The following GADL1 variants were observed in gnomAD, a reference collection of about 807,000 sequenced individuals.
The protein encoded by GADL1 is acidic amino acid decarboxylase GADL1.
A neutral mutation model predicts 69.5 loss-of-function variants in GADL1; 71 were observed. The observed-to-expected ratio is 1.02, with a 90% CI of 0.84 to 1.25. GADL1 has a LOEUF of 1.25. Ranked by LOEUF, GADL1 falls within the 50% of genes most tolerant of loss-of-function variation. The pLI, the probability that GADL1 is intolerant of heterozygous loss-of-function variation, is 0.00. For synonymous variants in GADL1, 254 were observed against 214.4 expected (o/e 1.18, Z -1.62); for missense variants, 737 against 631.8 (o/e 1.17, Z -1.79).
At chr3:30,773,900 C>G (rs149231324) in intron 14 of GADL1, among the ~76,000 whole-genome samples, 2 of 152,116 alleles carry the variant, frequency 1.3e-5, no homozygotes, top group Non-Finnish European at 2.9e-5. Flanking sequence ...AATCTCCTGA[C>G]GCTCACCAAC....
chr3:30,844,140 C>A (rs1374687928), intron 8 of GADL1, 70 bp downstream of exon 8: 5 of 1,209,838 alleles, frequency 4.1e-6, no homozygotes, highest in Non-Finnish European at 5.9e-6. Flanking sequence ...TATTCCCTCT[C>A]TTTCATAAGC....
At chr3:30,801,168 AAT>A (rs1255850890) in intron 11 of GADL1, 80 bp from the exon 12 acceptor site, 4 of 995,194 alleles carry the variant, frequency 4.0e-6, no homozygotes, top group African/African-American at 3.2e-5. Context: ...GTACACACAC[AAT>A]GTGTATATTC....
intron 11 of GADL1, among the ~76,000 whole-genome samples, chr3:30,824,729 CTAAAG>C (rs1697653735): frequency 1.3e-5 from 2 of 150,444 alleles, no homozygotes; most frequent in South Asian, 2.1e-4. Flanking sequence ...AATTCAAAAA[CTAAAG>C]TAAATTATAT....
At position 30,841,408 on chromosome 3, in the gene GADL1, G is replaced by A. The variant is rs750237321; in HGVS notation, c.787-2295C>T. Among the ~76,000 whole-genome samples, 13 of 152,078 alleles carry A rather than the reference G, an allele frequency of 8.5e-5. No individual in the cohort carries two copies. In the East Asian group the frequency reaches 1.4e-3, roughly 16 times the overall value. On this transcript the variant is annotated intron_variant, in intron 8 of 14. Transcript: ENST00000282538. Reference sequence around the variant, plus strand: ...TCACTGTCAAAACAAAAATTTGAGCGACAAAAATGATAATGACTGTGGTGG... The same window carrying A: ...TCACTGTCAAAACAAAAATTTGAGCAACAAAAATGATAATGACTGTGGTGG...
chr3:30,868,397 T>G (rs1343562275), intron 1 of GADL1, among the ~76,000 whole-genome samples: 1 of 152,086 alleles, frequency 6.6e-6, no homozygotes, highest in East Asian at 1.9e-4. Context: ...CTGGTCACCA[T>G]GATTTCATTA....
At chr3:30,731,862 C>T (rs1695462335) in intron 14 of GADL1, among the ~76,000 whole-genome samples, 2 of 152,184 alleles carry the variant, frequency 1.3e-5, no homozygotes, top group Admixed American at 6.5e-5. Flanking sequence ...AAAGTAATAA[C>T]ATCAAAGCTG....
chr3:30,778,388 T>C, intron 13 of GADL1, 120 bp from the exon 14 acceptor site: 1 of 655,202 alleles, frequency 1.5e-6, no homozygotes, highest in Non-Finnish European at 2.7e-6. Context: ...AATTTTAACA[T>C]CAGAATCTTA....
At chr3:30,803,527 A>AG (rs1432725484) in intron 11 of GADL1, among the ~76,000 whole-genome samples, 1 of 152,134 alleles carries the variant, frequency 6.6e-6, no homozygotes, top group African/African-American at 2.4e-5. Flanking sequence ...AGTGATTGAA[A>AG]GGGAGAGGAC....
chr3:30,762,601 T>C (rs897347664), intron 14 of GADL1, among the ~76,000 whole-genome samples: 2 of 152,142 alleles, frequency 1.3e-5, no homozygotes, highest in African/African-American at 4.8e-5. Context: ...CCCTCAAGCA[T>C]TTATCTATTG....
intron 1 of GADL1, among the ~76,000 whole-genome samples, chr3:30,863,808 C>T (rs548967725): frequency 9.0e-5 from 12 of 133,410 alleles, no homozygotes; most frequent in South Asian, 7.3e-4. Flanking sequence ...ACTCCACCTT[C>T]TCCTCAAAGT....
chr3:30,868,751 G>A (rs1398190025), intron 1 of GADL1, among the ~76,000 whole-genome samples: 1 of 151,926 alleles, frequency 6.6e-6, no homozygotes, highest in Non-Finnish European at 1.5e-5. Flanking sequence ...CAGAAAGTCT[G>A]CCAGTAAAAG....
chr3:30,801,195 G>A (rs1228453508), intron 11 of GADL1, 107 bp from the exon 12 acceptor site: 2 of 790,588 alleles, frequency 2.5e-6, no homozygotes, highest in African/African-American at 3.4e-5. Flanking sequence ...TGTGCCAAGT[G>A]TACATCTCAC....
intron 14 of GADL1, among the ~76,000 whole-genome samples, chr3:30,756,704 GGA>G (rs1469345772): frequency 6.6e-6 from 1 of 152,160 alleles, no homozygotes; most frequent in African/African-American, 2.4e-5. Context: ...ATCATGCGGA[GGA>G]GAGTTTAGTT....
chr3:30,790,305 T>C (rs1469748724), intron 12 of GADL1, among the ~76,000 whole-genome samples: 1 of 152,182 alleles, frequency 6.6e-6, no homozygotes, highest in Non-Finnish European at 1.5e-5. Flanking sequence ...GTGCATTCTA[T>C]GGAGCCCCAG....
At chr3:30,777,713 A>G (rs1696568255) in intron 14 of GADL1, among the ~76,000 whole-genome samples, 1 of 152,226 alleles carries the variant, frequency 6.6e-6, no homozygotes, top group African/African-American at 2.4e-5. Flanking sequence ...CCCACTGCTT[A>G]GCATCTCTTT....
At chr3:30,866,924 T>A (rs942994953) in intron 1 of GADL1, among the ~76,000 whole-genome samples, 2 of 152,098 alleles carry the variant, frequency 1.3e-5, no homozygotes, top group African/African-American at 4.8e-5. Context: ...GTATATTTAC[T>A]TTGGAAGTCA....
chr3:30,765,115 G>A (rs549090860), intron 14 of GADL1, among the ~76,000 whole-genome samples: 137 of 121,158 alleles, frequency 1.1e-3, no homozygotes, highest in Middle Eastern at 4.1e-3. Context: ...CTAGATTTAC[G>A]CAAGACAGAG....
At chr3:30,820,603 C>A (rs192106697) in intron 11 of GADL1, among the ~76,000 whole-genome samples, 107 of 152,202 alleles carry the variant, frequency 7.0e-4, no homozygotes, top group African/African-American at 2.5e-3. Context: ...ATAACCCTAG[C>A]AAAACATGCA....
In GADL1 at chr3:30,728,220, C is replaced by T. The variant is rs374493962; in HGVS notation, c.*22G>A. ...AACTCTCCCAGGATAGGATCTATGC[C>T]TCTGGGGGACCAAAGCCACAGCTAC... is the stretch of plus-strand genomic sequence containing the variant. On this transcript the variant is annotated 3_prime_UTR_variant, in exon 15 of 15. Transcript: ENST00000282538. The T allele has an allele frequency of 2.4e-5, 39 of 1,607,676 alleles. No individual in the cohort carries two copies. The highest frequency in any genetic ancestry group is 9.4e-5 in the African/African-American group (7 of 74,762).
Sources: allele counts gnomAD v4.1 joint callset (sites outside exome capture counted in the v4.1 genomes callset), GRCh38; gene constraint gnomAD v4.1.1; transcripts MANE v1.5; gene names NCBI Gene and HGNC (gene_info 2026-07-23, HGNC 2026-07-21).